Variants in DMBT1 observed in about 807,000 individuals in gnomAD.
The protein encoded by DMBT1 is deleted in malignant brain tumors 1.
Under a neutral mutation model 252.9 loss-of-function variants are expected in DMBT1, and 198 were observed. The observed-to-expected ratio is 0.78, with a 90% CI of 0.70 to 0.88. The LOEUF is 0.88. DMBT1 is among the 40% of genes least tolerant of loss of function. DMBT1 has a pLI of 0.00. For synonymous variants in DMBT1, 990 were observed against 942.7 expected, an observed-to-expected ratio of 1.05 and a Z score of -0.92; for missense variants, 2,432 against 2,404.7, an observed-to-expected ratio of 1.01 and a Z score of -0.24.
At chr10:122,599,139 T>C in intron 26 of DMBT1, 42 bp downstream of exon 26, 1 of 1,613,316 alleles carries the variant, frequency 6.2e-7, no homozygotes, top group South Asian at 1.1e-5. Context: ...TGGGGTGGAG[T>C]TTGCTCCAGA....
rs901291105 is a variant in DMBT1, at chr10:122,579,704, A to G, written c.806A>G (p.Asn269Ser). Residue 269 changes from asparagine (N) to serine (S), a missense_variant, in exon 10 of 56, where the codon AAT becomes AGT. Asn to Ser is a conservative substitution (Grantham distance 46). Around this residue, in one of 3 missense-constraint regions of DMBT1, gnomAD observed 1,264 missense variants for 1,082.2 expected, o/e 1.17. Transcript: ENST00000338354. ...CDDYWDTNDA[N>S]VVCRQLGCGW... is the part of the protein sequence containing the mutation. ...GACTACTGGGACACCAATGATGCCA[A>G]TGTGGTCTGCAGGCAGCTGGGCTGT... 5 of 1,613,766 alleles carry G rather than the reference A, an allele frequency of 3.1e-6. No individual in the cohort carries two copies. The highest frequency in any genetic ancestry group is 1.7e-5 in the Admixed American group (1 of 60,002).
chr10:122,639,934 G>C, intron 54 of DMBT1, 106 bp from the exon 55 acceptor site: 1 of 1,350,372 alleles, frequency 7.4e-7, no homozygotes. Flanking sequence ...GGGAGGGGTG[G>C]AAGTCTTGTT....
At chr10:122,629,792 A>G (rs889933095) in intron 46 of DMBT1, 48 bp from the exon 47 acceptor site, 27 of 1,590,922 alleles carry the variant, frequency 1.7e-5, no homozygotes, top group Non-Finnish European at 2.1e-5. Context: ...TTGTCACAAA[A>G]TACCTGAAGA....
Position 122,643,476 on chromosome 10 carries a change from A to G in DMBT1, c.*78A>G. On this transcript the variant is annotated 3_prime_UTR_variant, in exon 56 of 56. Coordinates refer to ENST00000338354, the MANE Select transcript of DMBT1 (RefSeq NM_001377530.1). ...GACTTGGGATGTTCCTCTTGGTGTC[A>G]TATTCCAACTCAGATTGAGCCCTAC... 2 of 1,507,660 alleles carry G rather than the reference A, an allele frequency of 1.3e-6. No individual in the cohort carries two copies. The highest frequency in any genetic ancestry group is 4.1e-5 in the Admixed American group (2 of 49,168). 93.4% of individuals were successfully genotyped at this position (1,507,660 alleles called of 1,614,324 possible).
At chr10:122,570,857 C>A in intron 3 of DMBT1, 33 bp from the exon 4 acceptor site, 2 of 1,608,566 alleles carry the variant, frequency 1.2e-6, no homozygotes, top group Non-Finnish European at 1.7e-6. Flanking sequence ...CAAGGGCTAC[C>A]ATCAATGAGC....
chr10:122,629,293 G>A (rs772134199), intron 46 of DMBT1, among the ~76,000 whole-genome samples: 5 of 152,224 alleles, frequency 3.3e-5, no homozygotes, highest in African/African-American at 4.8e-5. Context: ...GAGGCAGAGA[G>A]GTTAAGTAAC....
chr10:122,570,041 G>A (rs1265771460), intron 2 of DMBT1, 121 bp from the exon 3 acceptor site: 2 of 921,458 alleles, frequency 2.2e-6, no homozygotes, highest in Non-Finnish European at 1.8e-6. Context: ...TTGGCTTTTA[G>A]CAATGGAGGG....
At chr10:122,619,942 CT>C (rs1161887143) in intron 42 of DMBT1, among the ~76,000 whole-genome samples, 1 of 152,206 alleles carries the variant, frequency 6.6e-6, no homozygotes, top group Non-Finnish European at 1.5e-5. Context: ...TTAGCTCGAA[CT>C]GTCAGAGTCT....
chr10:122,560,832 G>A lies in DMBT1; in HGVS notation c.61+1G>A. ...TTATGGGGACAAGTTCTATCTACAG[G>A]TATTACGTTTAATTATTATATTCAT... On this transcript the variant is annotated splice_donor_variant, in intron 1 of 55. Coordinates refer to ENST00000338354, the MANE Select transcript of DMBT1 (RefSeq NM_001377530.1). LOFTEE classifies it high-confidence loss of function. 13 of 1,561,524 alleles carry A rather than the reference G, an allele frequency of 8.3e-6. No individual in the cohort carries two copies. Among genetic ancestry groups the A allele is most frequent in the Non-Finnish European group, 1.1e-5 (13 of 1,150,294 alleles).
intron 8 of DMBT1, 145 bp downstream of exon 8, chr10:122,577,985 T>A (rs2097727923): frequency 9.5e-6 from 8 of 841,580 alleles, no homozygotes; most frequent in Non-Finnish European, 9.3e-6. Flanking sequence ...GACCCTAGCA[T>A]GGGGCTTCTT....
At chr10:122,632,801 G>A (rs2098176659) in intron 50 of DMBT1, 60 bp from the exon 51 acceptor site, 1 of 1,595,986 alleles carries the variant, frequency 6.3e-7, no homozygotes, top group Non-Finnish European at 8.5e-7. Flanking sequence ...CTCATGAGCA[G>A]TCGACAGCTG....
rs771965162 is a variant in DMBT1, at chr10:122,633,234, C to T, written c.6441C>T (p.Asp2147=). 27 of 1,613,928 alleles carry T rather than the reference C, an allele frequency of 1.7e-5. No individual in the cohort carries two copies. Among genetic ancestry groups the T allele is most frequent in the Non-Finnish European group, 2.1e-5 (25 of 1,179,914 alleles). ...CGGFLSQPSG[D]FSSPFYPGNY... is the part of the protein sequence containing the mutation. Reference sequence around the variant, plus strand: ...GCTTCCTATCCCAACCATCAGGGGACTTTTCCAGCCCATTCTATCCCGGGA... The same window carrying T: ...GCTTCCTATCCCAACCATCAGGGGATTTTTCCAGCCCATTCTATCCCGGGA... Residue 2147 remains aspartate, a synonymous_variant, in exon 52 of 56, where the codon GAC becomes GAT. Transcript: ENST00000338354.
chr10:122,598,608 G>T (rs567703612), intron 25 of DMBT1, among the ~76,000 whole-genome samples, 166 bp from the exon 26 acceptor site: 2 of 152,348 alleles, frequency 1.3e-5, no homozygotes, highest in East Asian at 1.9e-4. Context: ...GGGTGTCACT[G>T]CTTCTTTGAC....
intron 5 of DMBT1, among the ~76,000 whole-genome samples, chr10:122,573,203 AC>A (rs1216055876): frequency 1.3e-5 from 2 of 152,138 alleles, no homozygotes; most frequent in Non-Finnish European, 2.9e-5. Context: ...TGGTAATCCA[AC>A]CACCAAGTGG....
intron 14 of DMBT1, among the ~76,000 whole-genome samples, 177 bp from the exon 15 acceptor site, chr10:122,585,094 C>A (rs1309986110): frequency 1.3e-5 from 2 of 148,700 alleles, no homozygotes; most frequent in Non-Finnish European, 3.0e-5. Context: ...TCCAGCAAGG[C>A]TTATGTCCCT....
intron 16 of DMBT1, among the ~76,000 whole-genome samples, chr10:122,587,137 A>G (rs1371823792): frequency 6.7e-6 from 1 of 148,214 alleles, no homozygotes; most frequent in Middle Eastern, 3.2e-3. Context: ...CATCCAAACT[A>G]TAGCATGCTG....
chr10:122,637,448 T>TA (rs2098236151), intron 54 of DMBT1, 136 bp downstream of exon 54: 6 of 1,060,112 alleles, frequency 5.7e-6, no homozygotes, highest in Admixed American at 3.0e-5. Flanking sequence ...TAAAGGAAGA[T>TA]AAAAAACCTT....
At chr10:122,584,883 G>T (rs1257023130) in intron 14 of DMBT1, among the ~76,000 whole-genome samples, 1 of 149,118 alleles carries the variant, frequency 6.7e-6, no homozygotes, top group African/African-American at 2.4e-5. Context: ...AATATTTCTG[G>T]TGCCTCCACT....
chr10:122,576,748 T>TG (rs762742089), intron 7 of DMBT1, 26 bp downstream of exon 7: 1 of 1,613,374 alleles, frequency 6.2e-7, no homozygotes, highest in South Asian at 1.1e-5. Flanking sequence ...TCTGGAGGGT[T>TG]GGGTGTGGTG....
Sources: gnomAD v4.1 joint callset for allele counts (sites outside exome capture counted in the v4.1 genomes callset) on GRCh38, gnomAD v4.1.1 for gene constraint, gnomAD v4.1.1 regional missense constraint, MANE v1.5 for transcripts, NCBI Gene and HGNC (gene_info 2026-07-23, HGNC 2026-07-21) for gene names.